FAM135B: variants seen among roughly 807,000 people sequenced by gnomAD.
The protein encoded by FAM135B is protein FAM135B.
A neutral mutation model predicts 127.7 loss-of-function variants in FAM135B; 43 were observed. The observed-to-expected ratio is 0.34, with a 90% CI of 0.26 to 0.43. The LOEUF is 0.43. FAM135B is among the 20% of genes least tolerant of loss of function. FAM135B has a pLI of 1.00. For missense variants in FAM135B, 1,558 were observed against 1,725.6 expected (o/e 0.90, Z 1.72); for synonymous variants, 670 against 665.1 (o/e 1.01, Z -0.11).
intron 7 of FAM135B, among the ~76,000 whole-genome samples, chr8:138,238,425 C>CT (rs1235507914): frequency 1.6e-4 from 24 of 152,058 alleles, no homozygotes; most frequent in African/African-American, 5.6e-4. Flanking sequence ...GCAGAGGGAA[C>CT]ATAAGCGCTT....
At chr8:138,298,226 A>G (rs1276358802) in intron 3 of FAM135B, among the ~76,000 whole-genome samples, 2 of 152,216 alleles carry the variant, frequency 1.3e-5, no homozygotes, top group African/African-American at 4.8e-5. Flanking sequence ...TGAAAGTAAC[A>G]TTATTATTAA....
At chr8:138,331,534 G>C (rs750567542) in intron 2 of FAM135B, among the ~76,000 whole-genome samples, 1 of 152,102 alleles carries the variant, frequency 6.6e-6, no homozygotes, top group Non-Finnish European at 1.5e-5. Context: ...CAGTGGTGAG[G>C]CTGGGTTTAA....
chr8:138,132,979 T>G lies in FAM135B; in HGVS notation c.4016-181A>C, dbSNP rs2130493653. ...TAAAATCAAAGTTCTCTTTTTCTAG[T>G]CAGATGACAATAGCCAGAAGTCAGA... On this transcript the variant is annotated intron_variant, in intron 19 of 19. Transcript: ENST00000395297. This position sits in a 1 kb window ranked among gnomAD's most constrained non-coding sequence, Gnocchi z 4.5. Among the ~76,000 whole-genome samples, 1 of 152,284 alleles carries G rather than the reference T, an allele frequency of 6.6e-6. No homozygotes were observed. The highest frequency in any genetic ancestry group is 1.5e-5 in the Non-Finnish European group (1 of 68,020).
intron 2 of FAM135B, among the ~76,000 whole-genome samples, chr8:138,344,719 G>T (rs924395968): frequency 1.3e-5 from 2 of 151,926 alleles, no homozygotes; most frequent in Non-Finnish European, 2.9e-5. Flanking sequence ...GGGACTACAG[G>T]TGCCTGCAAC....
intron 17 of FAM135B, among the ~76,000 whole-genome samples, chr8:138,139,510 T>C (rs1373110478): frequency 6.6e-6 from 1 of 152,230 alleles, no homozygotes; most frequent in East Asian, 1.9e-4. Flanking sequence ...TGGTGGCTCA[T>C]GCCTGTAATC....
intron 1 of FAM135B, among the ~76,000 whole-genome samples, chr8:138,407,151 T>C (rs1221650013): frequency 6.6e-6 from 1 of 150,554 alleles, no homozygotes; most frequent in Non-Finnish European, 1.5e-5. Flanking sequence ...TGAACTCCCA[T>C]TCACAATTGC....
chr8:138,335,702 C>A (rs1828526689), intron 2 of FAM135B, among the ~76,000 whole-genome samples: 2 of 152,164 alleles, frequency 1.3e-5, no homozygotes, highest in Non-Finnish European at 1.5e-5. Context: ...TTCAACGAGA[C>A]AGAAAGTTAA....
chr8:138,195,136 A>ACAAG, intron 9 of FAM135B, 122 bp downstream of exon 9: 1 of 813,426 alleles, frequency 1.2e-6, no homozygotes. Context: ...CCAGCTTGGT[A>ACAAG]TCTAGAGTGA....
intron 2 of FAM135B, among the ~76,000 whole-genome samples, chr8:138,344,131 T>C (rs1011210653): frequency 6.6e-6 from 1 of 152,220 alleles, no homozygotes; most frequent in Non-Finnish European, 1.5e-5. Flanking sequence ...GTGAAGATGC[T>C]GAGAAGAGCT....
intron 16 of FAM135B, among the ~76,000 whole-genome samples, chr8:138,142,694 C>T (rs1817307686): frequency 6.6e-6 from 1 of 152,110 alleles, no homozygotes; most frequent in Non-Finnish European, 1.5e-5. Flanking sequence ...GGTTATATAT[C>T]TGGTACATGG....
intron 1 of FAM135B, among the ~76,000 whole-genome samples, chr8:138,452,695 C>T: frequency 8.2e-6 from 1 of 121,296 alleles, no homozygotes; most frequent in Non-Finnish European, 1.9e-5. Context: ...TTAGCTGGAT[C>T]CTCTAGTCTA....
chr8:138,385,310 G>T (rs1350741314), intron 1 of FAM135B, among the ~76,000 whole-genome samples: 1 of 152,094 alleles, frequency 6.6e-6, no homozygotes, highest in Non-Finnish European at 1.5e-5. Context: ...TTATCTACTT[G>T]ATTTTCATGT....
Position 138,152,258 on chromosome 8 carries a change from C to A in FAM135B, c.2217G>T (p.Leu739Phe), listed in dbSNP as rs1818235301. 3.1e-6 allele frequency: 5 copies of A among 1,614,160 alleles called. No individual in the cohort carries two copies. Among genetic ancestry groups the A allele is most frequent in the East Asian group, 4.5e-5 (2 of 44,866 alleles). Reference protein sequence around the residue: ...EGGHTESNTSLPSGIQASLTS... With the variant: ...EGGHTESNTSFPSGIQASLTS... ...TGAGAGAAGCCTGGATGCCGCTTGG[C>A]AAACTTGTGTTACTTTCTGTGTGTC... Residue 739 changes from leucine (L) to phenylalanine (F), a missense_variant, in exon 13 of 20, where the codon TTG becomes TTT. Around this residue, in one of 5 missense-constraint regions of FAM135B, gnomAD observed 923 missense variants for 865.3 expected, o/e 1.07. Transcript: ENST00000395297.
intron 1 of FAM135B, among the ~76,000 whole-genome samples, chr8:138,376,432 C>T (rs971981624): frequency 6.6e-6 from 1 of 152,188 alleles, no homozygotes; most frequent in African/African-American, 2.4e-5. Flanking sequence ...GCTTCATCAC[C>T]TTCTGTGTAT....
At chr8:138,157,553 G>A (rs914422104) in intron 12 of FAM135B, among the ~76,000 whole-genome samples, 3 of 149,328 alleles carry the variant, frequency 2.0e-5, no homozygotes, top group Admixed American at 6.7e-5. Flanking sequence ...AAACCCCATT[G>A]TCTCAGCCCA....
At chr8:138,451,476 A>G (rs1349837799) in intron 1 of FAM135B, among the ~76,000 whole-genome samples, 1 of 152,230 alleles carries the variant, frequency 6.6e-6, no homozygotes, top group African/African-American at 2.4e-5. Context: ...CAGTAGCTAT[A>G]CATGCTGAGT....
intron 1 of FAM135B, among the ~76,000 whole-genome samples, chr8:138,418,096 A>G (rs930885322): frequency 6.6e-6 from 1 of 152,200 alleles, no homozygotes; most frequent in Non-Finnish European, 1.5e-5. Flanking sequence ...GGCTATTTTA[A>G]GAAAGAACAA....
chr8:138,445,388 G>T (rs1007581440), intron 1 of FAM135B, among the ~76,000 whole-genome samples: 5 of 152,082 alleles, frequency 3.3e-5, no homozygotes, highest in Non-Finnish European at 5.9e-5. Context: ...GATGAACATT[G>T]ATGCAAAAAT....
chr8:138,399,146 CT>C (rs752918016), intron 1 of FAM135B, among the ~76,000 whole-genome samples: 3 of 151,982 alleles, frequency 2.0e-5, no homozygotes, highest in Non-Finnish European at 4.4e-5. Flanking sequence ...CTTTTTTTCC[CT>C]GGGACAGTCT....
Sources: gnomAD v4.1 joint callset for allele counts (sites outside exome capture counted in the v4.1 genomes callset) on GRCh38, gnomAD v4.1.1 for gene constraint, gnomAD v4.1.1 regional missense constraint, Gnocchi (gnomAD v3.1) non-coding constraint, MANE v1.5 for transcripts, NCBI Gene and HGNC (gene_info 2026-07-23, HGNC 2026-07-21) for gene names.